The following LAD1 variants were observed in gnomAD, a reference collection of about 807,000 sequenced individuals.
LAD1 encodes the protein ladinin 1.
A neutral mutation model predicts 54.2 loss-of-function variants in LAD1; 53 were observed. That is an observed-to-expected ratio of 0.98 (90% CI 0.78 to 1.23). The LOEUF is 1.23. LAD1 is among the 50% of genes most tolerant of loss of function. LAD1 has a pLI of 0.00. For missense variants in LAD1, 637 were observed against 653.3 expected (o/e 0.98, Z 0.27); for synonymous variants, 231 against 257.7 (o/e 0.90, Z 0.99).
intron 5 of LAD1, among the ~76,000 whole-genome samples, chr1:201,384,427 C>A (rs989946387): frequency 6.6e-6 from 1 of 152,188 alleles, no homozygotes. Flanking sequence ...CACAGCCCCC[C>A]AACCAGGCCT....
chr1:201,389,335 T>C, intron 1 of LAD1, 32 bp from the exon 2 acceptor site: 1 of 1,601,174 alleles, frequency 6.2e-7, no homozygotes, highest in Non-Finnish European at 8.5e-7. Context: ...TCAGCACAGC[T>C]GGGGAAACCC....
chr1:201,385,593 A>G (rs1662057702), intron 4 of LAD1, 108 bp downstream of exon 4: 5 of 829,960 alleles, frequency 6.0e-6, no homozygotes, highest in Non-Finnish European at 1.1e-5. Context: ...GCTCCTCTCT[A>G]TCCAGGGGAC....
At chr1:201,397,287 C>T (rs1302556780) in intron 1 of LAD1, 1 of 152,480 alleles carries the variant, frequency 6.6e-6, no homozygotes, top group East Asian at 1.9e-4. Flanking sequence ...GGGAGCGGTC[C>T]TCTGTTCCAG....
intron 1 of LAD1, among the ~76,000 whole-genome samples, chr1:201,396,554 A>G (rs1662293816): frequency 6.6e-6 from 1 of 152,168 alleles, no homozygotes; most frequent in Non-Finnish European, 1.5e-5. Flanking sequence ...ACAGAAGCCC[A>G]TTATACAACA....
At chr1:201,396,495 TAA>T in intron 1 of LAD1, among the ~76,000 whole-genome samples, 1 of 152,278 alleles carries the variant, frequency 6.6e-6, no homozygotes, top group East Asian at 1.9e-4. Context: ...AAGTGGTTGT[TAA>T]AAGTCATATT....
At chr1:201,384,429 A>T (rs184035448) in intron 5 of LAD1, among the ~76,000 whole-genome samples, 1 of 151,952 alleles carries the variant, frequency 6.6e-6, no homozygotes, top group East Asian at 1.9e-4. Context: ...CAGCCCCCCA[A>T]CCAGGCCTGC....
intron 2 of LAD1, 121 bp from the exon 3 acceptor site, chr1:201,387,299 C>CAT: frequency 9.0e-7 from 1 of 1,114,552 alleles, no homozygotes; most frequent in Non-Finnish European, 1.2e-6. Context: ...CAGGCCCTGG[C>CAT]CTCCCCGGCT....
intron 4 of LAD1, among the ~76,000 whole-genome samples, 190 bp downstream of exon 4, chr1:201,385,511 C>T (rs960457332): frequency 3.9e-5 from 6 of 152,218 alleles, no homozygotes; most frequent in Non-Finnish European, 4.4e-5. Flanking sequence ...GCACCTACCC[C>T]CCAGGTTACT....
intron 5 of LAD1, 84 bp from the exon 6 acceptor site, chr1:201,383,473 C>A (rs1662010643): frequency 1.6e-6 from 2 of 1,236,442 alleles, no homozygotes; most frequent in East Asian, 4.6e-5. Flanking sequence ...GGAGCAGCCC[C>A]ATCACACGTT....
intron 1 of LAD1, among the ~76,000 whole-genome samples, chr1:201,391,828 G>T (rs1295031180): frequency 2.6e-5 from 4 of 152,188 alleles, no homozygotes; most frequent in Admixed American, 2.0e-4. Context: ...GACAGGAGGG[G>T]GTGTGAGCAG....
rs552210893 is a variant in LAD1 at position 201,392,759 on chromosome 1, G to A, written c.39-3456C>T. On this transcript the variant is annotated intron_variant, in intron 1 of 9. Coordinates refer to ENST00000391967, the MANE Select transcript of LAD1 (RefSeq NM_005558.4). ...CACAGAAAAACAACATGATGGGATC[G>A]CTCTATTTTTAATCTCTCTGGCTGC... 2.0e-4 allele frequency among the ~76,000 whole-genome samples: 30 copies of A among 151,930 alleles called. 1 individual carries two copies. Among genetic ancestry groups the A allele is most frequent in the Middle Eastern group, 3.4e-3 (1 of 294 alleles).
chr1:201,398,413 A>G (rs1662338215), intron 1 of LAD1, among the ~76,000 whole-genome samples: 1 of 152,210 alleles, frequency 6.6e-6, no homozygotes, highest in South Asian at 2.1e-4. Context: ...GGGCTACCGC[A>G]GGAGCCTCAG....
intron 5 of LAD1, among the ~76,000 whole-genome samples, chr1:201,384,385 G>A (rs749054980): frequency 1.6e-4 from 25 of 152,088 alleles, no homozygotes; most frequent in Non-Finnish European, 3.4e-4. Context: ...CAACACCAGC[G>A]AGCCCAGGAA....
At chr1:201,387,639 A>T (rs1662121975) in intron 2 of LAD1, among the ~76,000 whole-genome samples, 1 of 152,208 alleles carries the variant, frequency 6.6e-6, no homozygotes, top group South Asian at 2.1e-4. Flanking sequence ...CACTCCTGTC[A>T]GTCTTGTGGG....
At position 201,399,291 on chromosome 1, in the gene LAD1, T is replaced by G. The variant is rs1662363698; in HGVS notation, c.16A>C (p.Lys6Gln). The stretch of plus-strand genomic sequence containing the variant: ...CACCTGGACAGCGCGGACCAGTCCT[T>G]CCTGCTGACAGCCATGCTGCAGGAG... MAVSR[K>Q]DWSALSSLAR... The change falls in exon 1 of 10, where the codon AAG becomes CAG. Residue 6 changes from lysine (K) to glutamine (Q), a missense_variant. Lys to Gln is a moderately conservative substitution (Grantham distance 53). Transcript: ENST00000391967. The G allele has an allele frequency of 6.5e-7, 1 of 1,547,530 alleles. No individual in the cohort carries two copies.
chr1:201,391,155 A>C (rs1336030448), intron 1 of LAD1: 3 of 456,600 alleles, frequency 6.6e-6, no homozygotes, highest in Admixed American at 4.7e-5. Flanking sequence ...TCAGATGGAA[A>C]GAGCTTCGTG....
intron 1 of LAD1, among the ~76,000 whole-genome samples, chr1:201,389,656 CAA>C (rs769138180): frequency 7.0e-5 from 9 of 128,944 alleles, no homozygotes; most frequent in Non-Finnish European, 1.0e-4. Flanking sequence ...TACAAAAATA[CAA>C]AAAAAAAAAA....
chr1:201,386,935 A>T lies in LAD1; in HGVS notation c.426T>A (p.Pro142=). 6.2e-7 allele frequency: 1 copy of T among 1,612,326 alleles called. No homozygotes were observed. Among genetic ancestry groups the T allele is most frequent in the Non-Finnish European group, 8.5e-7 (1 of 1,179,588 alleles). ...GCTGTTCCCGACTCAGTCTCCGGCG[A>T]GGTGGGATTTCCAGTTCCTTCTTGG... is the stretch of plus-strand genomic sequence containing the variant. ...LVSKKELEIP[P]RRRLSREQRG... is the part of the protein sequence containing the mutation. The change falls in exon 3 of 10, where the codon CCT becomes CCA. Residue 142 remains proline, a synonymous_variant. Coordinates refer to ENST00000391967, the MANE Select transcript of LAD1 (RefSeq NM_005558.4).
chr1:201,386,811 A>G lies in LAD1; in HGVS notation c.550T>C (p.Ser184Pro). ...PEKSPVLEKS[S>P]MPKKTAPEKS... ...TCAGGTGCCGTCTTCTTTGGCATGG[A>G]GGACTTCTCCAAGACTGGGGACTTT... The change falls in exon 3 of 10, where the codon TCC (serine) becomes CCC (proline). Residue 184 changes from serine (S) to proline (P), a missense_variant. Coordinates refer to ENST00000391967, the MANE Select transcript of LAD1 (RefSeq NM_005558.4). 3.1e-6 allele frequency: 5 copies of G among 1,613,812 alleles called. No homozygotes were observed. The highest frequency in any genetic ancestry group is 3.4e-6 in the Non-Finnish European group (4 of 1,179,962).
Sources: allele counts gnomAD v4.1 joint callset (sites outside exome capture counted in the v4.1 genomes callset), GRCh38; gene constraint gnomAD v4.1.1; transcripts MANE v1.5; gene names NCBI Gene and HGNC (gene_info 2026-07-23, HGNC 2026-07-21).